Variants in DENND2C observed in about 807,000 individuals in gnomAD.
DENND2C encodes DENN domain containing 2C, also known as DENN domain-containing protein 2C.
In DENND2C, 72 loss-of-function variants were observed where a neutral mutation model predicts 112.4. The observed-to-expected ratio is 0.64, with a 90% CI of 0.53 to 0.78. The LOEUF (loss-of-function observed/expected upper bound fraction) is 0.78. DENND2C is among the 30% of genes least tolerant of loss of function. DENND2C has a pLI of 0.00. For synonymous variants in DENND2C, 329 were observed against 381.6 expected, an observed-to-expected ratio of 0.86 and a Z score of 1.61; for missense variants, 992 against 1,113.8, an observed-to-expected ratio of 0.89 and a Z score of 1.56.
chr1:114,638,762 C>CAAAAAAAAAA (rs35740017), intron 3 of DENND2C, among the ~76,000 whole-genome samples: 1 of 84,162 alleles, frequency 1.2e-5, no homozygotes, highest in Non-Finnish European at 2.3e-5. Context: ...GACCTTGTCT[C>CAAAAAAAAAA]AAAAAAAAAA....
At chr1:114,596,042 C>G (rs1655332952) in intron 16 of DENND2C, among the ~76,000 whole-genome samples, 169 bp from the exon 17 acceptor site, 1 of 152,168 alleles carries the variant, frequency 6.6e-6, no homozygotes, top group Admixed American at 6.5e-5. Flanking sequence ...ACATGCACAC[C>G]TATAGATTAA....
intron 3 of DENND2C, among the ~76,000 whole-genome samples, chr1:114,627,204 A>T (rs1429610489): frequency 1.3e-5 from 2 of 152,228 alleles, no homozygotes; most frequent in African/African-American, 4.8e-5. Context: ...CAGAGGCTTC[A>T]TTCAGGCCCA....
At chr1:114,636,574 A>T (rs1656662186) in intron 3 of DENND2C, among the ~76,000 whole-genome samples, 1 of 152,006 alleles carries the variant, frequency 6.6e-6, no homozygotes, top group Admixed American at 6.6e-5. Flanking sequence ...TTAAGGTGGG[A>T]ATGGGGGGAG....
chr1:114,651,835 C>T (rs910414416), intron 2 of DENND2C, among the ~76,000 whole-genome samples: 2 of 152,204 alleles, frequency 1.3e-5, no homozygotes, highest in African/African-American at 4.8e-5. Context: ...GCACACTTGC[C>T]TCATGCTAAG....
chr1:114,603,180 G>T (rs377567404), intron 11 of DENND2C, among the ~76,000 whole-genome samples: 1 of 149,432 alleles, frequency 6.7e-6, no homozygotes, highest in Non-Finnish European at 1.5e-5. Context: ...TCACTCTGTC[G>T]CCCAGGCTGG....
intron 3 of DENND2C, among the ~76,000 whole-genome samples, chr1:114,628,311 C>T (rs575426951): frequency 6.8e-6 from 1 of 146,078 alleles, no homozygotes; most frequent in East Asian, 2.0e-4. Flanking sequence ...TGGAGCGAGA[C>T]CCCAACTCAA....
At chr1:114,664,713 A>G (rs1182543844) in intron 1 of DENND2C, among the ~76,000 whole-genome samples, 1 of 151,422 alleles carries the variant, frequency 6.6e-6, no homozygotes, top group Non-Finnish European at 1.5e-5. Context: ...CTCCTGACTG[A>G]AGTGACCCAC....
intron 3 of DENND2C, among the ~76,000 whole-genome samples, chr1:114,632,832 T>G (rs1405264878): frequency 6.6e-6 from 1 of 152,236 alleles, no homozygotes; most frequent in Non-Finnish European, 1.5e-5. Flanking sequence ...GTGCCCATTT[T>G]AAATGCAAAT....
chr1:114,624,070 T>C (rs1167170381), intron 4 of DENND2C, among the ~76,000 whole-genome samples: 1 of 152,148 alleles, frequency 6.6e-6, no homozygotes, highest in South Asian at 2.1e-4. Context: ...AGTACAGAAC[T>C]AGTGTGCAAA....
intron 3 of DENND2C, among the ~76,000 whole-genome samples, chr1:114,626,509 T>TC (rs1656346885): frequency 8.3e-6 from 1 of 120,072 alleles, no homozygotes; most frequent in African/African-American, 3.4e-5. Flanking sequence ...ATAAATTAAT[T>TC]CTTTTTTTTT....
intron 11 of DENND2C, 47 bp from the exon 12 acceptor site, chr1:114,602,241 T>C (rs759241993): frequency 6.9e-6 from 11 of 1,589,766 alleles, no homozygotes; most frequent in Admixed American, 5.0e-5. Flanking sequence ...CAATTACTTA[T>C]GGCATTCTCC....
At position 114,608,823 on chromosome 1, in the gene DENND2C, G is replaced by A; in HGVS notation, c.1420C>T (p.His474Tyr). The change falls in exon 10 of 21, where the codon CAC (histidine) becomes TAC (tyrosine). Residue 474 changes from histidine to tyrosine, a missense_variant. Transcript: ENST00000393274. ...QLQPSSKRNP[H>Y]YQTLERDLIE... Reference sequence around the variant, plus strand: ...AGATCCCGCTCCAAGGTCTGGTAGTGAGGATTCCTCTTGGAAGACGGTTGC... The same window carrying A: ...AGATCCCGCTCCAAGGTCTGGTAGTAAGGATTCCTCTTGGAAGACGGTTGC... The A allele has an allele frequency of 6.2e-7, 1 of 1,614,210 alleles. No individual in the cohort carries two copies. Among genetic ancestry groups the A allele is most frequent in the Non-Finnish European group, 8.5e-7 (1 of 1,180,042 alleles).
chr1:114,631,478 A>G (rs921260105), intron 3 of DENND2C, among the ~76,000 whole-genome samples: 6 of 151,958 alleles, frequency 3.9e-5, no homozygotes, highest in Non-Finnish European at 8.8e-5. Context: ...CCAGGAGAAA[A>G]ATCAATCAAT....
chr1:114,662,021 A>G (rs1267614695), intron 1 of DENND2C, among the ~76,000 whole-genome samples: 1 of 151,442 alleles, frequency 6.6e-6, no homozygotes, highest in Non-Finnish European at 1.5e-5. Flanking sequence ...GATTAAATTG[A>G]CCATCACTCT....
intron 1 of DENND2C, among the ~76,000 whole-genome samples, chr1:114,663,071 T>G (rs1173480374): frequency 6.6e-6 from 1 of 152,218 alleles, no homozygotes; most frequent in Non-Finnish European, 1.5e-5. Context: ...TTTTTTTCTC[T>G]TATCATCATC....
At chr1:114,618,135 C>A (rs1656050379) in intron 8 of DENND2C, among the ~76,000 whole-genome samples, 1 of 151,982 alleles carries the variant, frequency 6.6e-6, no homozygotes, top group African/African-American at 2.4e-5. Context: ...ACTACAGGCG[C>A]CCGCCACCAC....
chr1:114,620,219 A>G (rs1393330963), intron 7 of DENND2C, among the ~76,000 whole-genome samples: 4 of 152,202 alleles, frequency 2.6e-5, no homozygotes, highest in Admixed American at 1.3e-4. Context: ...GACATCCTAA[A>G]AAGATTCAAT....
At chr1:114,654,061 A>G (rs1196804439) in intron 2 of DENND2C, among the ~76,000 whole-genome samples, 1 of 152,212 alleles carries the variant, frequency 6.6e-6, no homozygotes, top group Admixed American at 6.5e-5. Context: ...ATACGCACCA[A>G]AAAGCTAACA....
intron 10 of DENND2C, among the ~76,000 whole-genome samples, chr1:114,607,665 A>T (rs917093478): frequency 6.6e-6 from 1 of 152,184 alleles, no homozygotes; most frequent in African/African-American, 2.4e-5. Flanking sequence ...AATCCTGGCA[A>T]ATATTAGGTA....
Sources: allele counts gnomAD v4.1 joint callset (sites outside exome capture counted in the v4.1 genomes callset), GRCh38; gene constraint gnomAD v4.1.1; transcripts MANE v1.5; gene names NCBI Gene and HGNC (gene_info 2026-07-23, HGNC 2026-07-21).